The following DPP10 variants were observed in gnomAD, a reference collection of about 807,000 sequenced individuals.
DPP10 encodes inactive dipeptidyl peptidase 10.
Under a neutral mutation model 120.9 loss-of-function variants are expected in DPP10, and 33 were observed. The observed-to-expected ratio is 0.27, with a 90% CI of 0.21 to 0.37. The LOEUF (loss-of-function observed/expected upper bound fraction) is 0.37. Ranked by LOEUF, DPP10 falls within the 10% of genes least tolerant of loss-of-function variation. The probability of loss-of-function intolerance (pLI) is 1.00; values close to 1 mark genes in which losing one functional copy is unlikely to be tolerated. For missense variants in DPP10, 816 were observed against 942.8 expected, an observed-to-expected ratio of 0.87 and a Z score of 1.76; for synonymous variants, 337 against 326.1, an observed-to-expected ratio of 1.03 and a Z score of -0.36.
chr2:114,940,002 A>G (rs1179086052), intron 1 of DPP10, among the ~76,000 whole-genome samples: 1 of 152,162 alleles, frequency 6.6e-6, no homozygotes. Flanking sequence ...TCTAATTGCT[A>G]TCCATAGTAA....
intron 1 of DPP10, among the ~76,000 whole-genome samples, chr2:115,088,559 C>G (rs1180753387): frequency 1.3e-5 from 2 of 151,788 alleles, no homozygotes; most frequent in African/African-American, 4.8e-5. Context: ...AGGGATCCTC[C>G]CACCTCAGCC....
intron 1 of DPP10, among the ~76,000 whole-genome samples, chr2:114,800,910 T>G (rs539590418): frequency 1.4e-5 from 2 of 147,690 alleles, no homozygotes; most frequent in South Asian, 4.4e-4. Flanking sequence ...TTAGATATAT[T>G]TAGAAGCATG....
chr2:115,156,062 CAG>C (rs776304093), intron 1 of DPP10, among the ~76,000 whole-genome samples: 41 of 152,148 alleles, frequency 2.7e-4, no homozygotes, highest in Non-Finnish European at 5.1e-4. Flanking sequence ...GACAGATTGA[CAG>C]ACAGATGAAT....
intron 3 of DPP10, among the ~76,000 whole-genome samples, chr2:115,433,372 ATAAT>A (rs1489118370): frequency 2.0e-5 from 3 of 151,980 alleles, no homozygotes; most frequent in African/African-American, 7.2e-5. Flanking sequence ...TATTATCTTA[ATAAT>A]TCTATATTCA....
chr2:115,331,988 C>T (rs185774130), intron 2 of DPP10, among the ~76,000 whole-genome samples: 2 of 152,200 alleles, frequency 1.3e-5, no homozygotes, highest in Admixed American at 1.3e-4. Context: ...GGAATAGTTT[C>T]AGAGGGAATG....
intron 1 of DPP10, among the ~76,000 whole-genome samples, chr2:114,673,903 T>C (rs1698507173): frequency 6.6e-6 from 1 of 152,182 alleles, no homozygotes; most frequent in African/African-American, 2.4e-5. Context: ...TTATGGATAC[T>C]CGAACCTGAA....
At chr2:114,965,548 A>G (rs1435014444) in intron 1 of DPP10, among the ~76,000 whole-genome samples, 1 of 152,122 alleles carries the variant, frequency 6.6e-6, no homozygotes, top group African/African-American at 2.4e-5. Context: ...TGAATTCATA[A>G]ATGTAGGCAT....
chr2:114,976,932 A>G (rs1699790842), intron 1 of DPP10, among the ~76,000 whole-genome samples: 1 of 151,966 alleles, frequency 6.6e-6, no homozygotes, highest in South Asian at 2.1e-4. Flanking sequence ...CATCTTCCAT[A>G]TCTATCATCT....
At chr2:115,175,893 C>T (rs1208953128) in intron 1 of DPP10, among the ~76,000 whole-genome samples, 1 of 152,202 alleles carries the variant, frequency 6.6e-6, no homozygotes, top group Non-Finnish European at 1.5e-5. Flanking sequence ...ACTATCCAAA[C>T]TTTAATGTGG....
intron 25 of DPP10, 70 bp from the exon 26 acceptor site, chr2:115,842,141 T>C: frequency 4.1e-6 from 6 of 1,463,892 alleles, no homozygotes; most frequent in Non-Finnish European, 5.5e-6. Context: ...ACGTTAGGGC[T>C]CAGAAAATGA....
At chr2:114,443,292 A>T (rs1464197497) in intron 1 of DPP10, among the ~76,000 whole-genome samples, 2 of 152,170 alleles carry the variant, frequency 1.3e-5, no homozygotes, top group Non-Finnish European at 1.5e-5. Flanking sequence ...TGAGCATTGA[A>T]CTGGTGGTTA....
At chr2:115,162,342 C>T in intron 1 of DPP10, 1 of 1,437,874 alleles carries the variant, frequency 7.0e-7, no homozygotes, top group African/African-American at 1.5e-5. Context: ...CGGCCGGGAC[C>T]AAGGAATGGG....
At chr2:114,977,278 C>G (rs1219679688) in intron 1 of DPP10, among the ~76,000 whole-genome samples, 1 of 152,132 alleles carries the variant, frequency 6.6e-6, no homozygotes, top group Non-Finnish European at 1.5e-5. Flanking sequence ...AGTTATATGC[C>G]ATTTTTAAAA....
chr2:114,799,221 A>C (rs1683978276), intron 1 of DPP10, among the ~76,000 whole-genome samples: 1 of 152,194 alleles, frequency 6.6e-6, no homozygotes, highest in Non-Finnish European at 1.5e-5. Flanking sequence ...GGATTGCATT[A>C]TCTCTCCTTC....
Position 115,477,742 on chromosome 2 carries a change from CA to C in DPP10, c.272-21764del, listed in dbSNP as rs557645624. Among the ~76,000 whole-genome samples the C allele has an allele frequency of 3.1e-3, 476 of 152,214 alleles. 3 individuals are homozygous for C. The highest frequency in any genetic ancestry group is 0.011 in the African/African-American group (452 of 41,544). ...GCATTGAGCTCATACTTCATGATTT[CA>C]AAATTTACTGCAAAGCCACAGTAAT... On this transcript the variant is annotated intron_variant, in intron 3 of 25. Coordinates refer to ENST00000410059, the MANE Select transcript of DPP10 (RefSeq NM_020868.6).
At chr2:114,867,956 A>G (rs1338356027) in intron 1 of DPP10, among the ~76,000 whole-genome samples, 1 of 152,196 alleles carries the variant, frequency 6.6e-6, no homozygotes, top group East Asian at 1.9e-4. Context: ...GTTACATTAC[A>G]CTTCTCATGA....
At chr2:115,830,217 G>T (rs1222165685) in intron 21 of DPP10, among the ~76,000 whole-genome samples, 5 of 152,112 alleles carry the variant, frequency 3.3e-5, no homozygotes, top group East Asian at 3.9e-4. Context: ...AATTGGCTGG[G>T]TGTGGTGGCG....
chr2:115,499,214 T>TC, intron 3 of DPP10, among the ~76,000 whole-genome samples: 1 of 152,224 alleles, frequency 6.6e-6, no homozygotes, highest in African/African-American at 2.4e-5. Context: ...GCCCATTTTT[T>TC]CTCACCACAG....
In DPP10 at chr2:115,128,486, T is replaced by C. The variant is rs371103238; in HGVS notation, c.61-180753T>C. Among the ~76,000 whole-genome samples, 18 of 152,320 alleles carry C rather than the reference T, an allele frequency of 1.2e-4. No individual in the cohort carries two copies. In the East Asian group the frequency reaches 3.5e-3, roughly 29 times the overall value. On this transcript the variant is annotated intron_variant, in intron 1 of 25. Coordinates refer to ENST00000410059, the MANE Select transcript of DPP10 (RefSeq NM_020868.6). Reference sequence around the variant, plus strand: ...TCCTCATAATTCCTCTGAGGAGCACTAAGACCCTGAGATATTGATAGTTTT... The same window carrying C: ...TCCTCATAATTCCTCTGAGGAGCACCAAGACCCTGAGATATTGATAGTTTT...
Sources: gnomAD v4.1 joint callset for allele counts (sites outside exome capture counted in the v4.1 genomes callset) on GRCh38, gnomAD v4.1.1 for gene constraint, MANE v1.5 for transcripts, NCBI Gene and HGNC (gene_info 2026-07-23, HGNC 2026-07-21) for gene names.